The following ZC3H13 variants were observed in gnomAD, a reference collection of about 807,000 sequenced individuals.
ZC3H13 encodes the protein zinc finger CCCH domain-containing protein 13.
Under a neutral mutation model 204.1 loss-of-function variants are expected in ZC3H13, and 64 were observed. The ratio of observed to expected loss-of-function variants is 0.31; its 90% CI spans 0.26 to 0.39. The LOEUF (loss-of-function observed/expected upper bound fraction) is 0.39, where lower values mean the gene tolerates loss of function less well. Among genes scored for constraint, ZC3H13 ranks in the 10% least tolerant of loss-of-function variants. The pLI is 1.00. For synonymous variants in ZC3H13, 667 were observed against 693.7 expected (o/e 0.96, Z 0.60); for missense variants, 1,833 against 2,082.7 (o/e 0.88, Z 2.33).
At chr13:45,976,097 C>A in intron 11 of ZC3H13, 2 of 877,440 alleles carry the variant, frequency 2.3e-6, no homozygotes, top group Non-Finnish European at 2.7e-6. Context: ...TCCCACTGAT[C>A]AATCTTTGAT....
At chr13:46,025,510 A>C (rs1474244891) in intron 4 of ZC3H13, among the ~76,000 whole-genome samples, 1 of 152,070 alleles carries the variant, frequency 6.6e-6, no homozygotes, top group Non-Finnish European at 1.5e-5. Flanking sequence ...GGGTCTCTCT[A>C]TGTTGCCCAA....
chr13:45,967,791 C>G lies in ZC3H13; in HGVS notation c.4034G>C (p.Arg1345Pro), dbSNP rs772342108. The G allele has an allele frequency of 1.2e-6, 2 of 1,611,812 alleles. No homozygotes were observed. The highest frequency in any genetic ancestry group is 3.4e-5 in the Admixed American group (2 of 59,586). ...TCTCCTTTTGTCTCGTTCTCTCTCT[C>G]GTTCTCGTTCTCGCAATCTATCTCG... is the stretch of plus-strand genomic sequence containing the variant. ...RDRDRLRERERERERDKRRDL... is the reference protein window; with the variant it reads ...RDRDRLREREPERERDKRRDL... The change falls in exon 15 of 19, where the codon CGA (arginine) becomes CCA (proline). Residue 1345 changes from arginine to proline, a missense_variant. By Grantham distance (103) the Arg-to-Pro change is moderately radical. This residue lies in a region of ZC3H13 where 1,574 missense variants were observed against 1,757.2 expected (regional missense o/e 0.90). Coordinates refer to ENST00000679008, the MANE Select transcript of ZC3H13 (RefSeq NM_001330564.2).
rs745791047 is a variant in ZC3H13, at chr13:45,985,488, C to T, written c.1529G>A (p.Arg510His). The change falls in exon 10 of 19, where the codon CGT becomes CAT. Residue 510 changes from arginine to histidine, a missense_variant. Around this residue, in one of 5 missense-constraint regions of ZC3H13, gnomAD observed 1,574 missense variants for 1,757.2 expected, o/e 0.90. Transcript: ENST00000679008. ...STRDAHDYRDREGRDTHRKED... is the reference protein window; with the variant it reads ...STRDAHDYRDHEGRDTHRKED... ...CTTTCGATGAGTATCTCGACCTTCACGGTCCCTGTAGTCATGGGCATCACG... is the reference window on the plus strand; with the variant it reads ...CTTTCGATGAGTATCTCGACCTTCATGGTCCCTGTAGTCATGGGCATCACG... 16 of 1,614,084 alleles carry T rather than the reference C, an allele frequency of 9.9e-6. No individual in the cohort carries two copies. Among genetic ancestry groups the T allele is most frequent in the East Asian group, 6.7e-5 (3 of 44,894 alleles).
chr13:46,023,339 C>T (rs544500073), intron 4 of ZC3H13, among the ~76,000 whole-genome samples: 1 of 152,260 alleles, frequency 6.6e-6, no homozygotes, highest in Admixed American at 6.5e-5. Context: ...ATGCCCATTG[C>T]ATCTTTCTTA....
chr13:46,028,546 C>T (rs2042684179), intron 4 of ZC3H13, among the ~76,000 whole-genome samples: 1 of 152,060 alleles, frequency 6.6e-6, no homozygotes, highest in Non-Finnish European at 1.5e-5. Context: ...TTCACCAAGA[C>T]AGATCACATT....
intron 9 of ZC3H13, among the ~76,000 whole-genome samples, chr13:45,986,789 C>T (rs1566213071): frequency 6.6e-6 from 1 of 152,150 alleles, no homozygotes; most frequent in African/African-American, 2.4e-5. Context: ...CAGCCTCATG[C>T]CCAAAACATT....
chr13:45,980,938 G>A (rs1305451372), intron 10 of ZC3H13, among the ~76,000 whole-genome samples: 1 of 152,160 alleles, frequency 6.6e-6, no homozygotes. Flanking sequence ...TTGTACCAAT[G>A]TCAATTGTTT....
At chr13:45,977,787 T>C (rs929323511) in intron 11 of ZC3H13, among the ~76,000 whole-genome samples, 1 of 152,224 alleles carries the variant, frequency 6.6e-6, no homozygotes, top group East Asian at 1.9e-4. Context: ...CCAACACCCT[T>C]AATATGTTTT....
intron 9 of ZC3H13, among the ~76,000 whole-genome samples, chr13:45,987,157 C>G (rs2039601305): frequency 6.6e-6 from 1 of 152,154 alleles, no homozygotes; most frequent in Non-Finnish European, 1.5e-5. Context: ...ACCTCCCTAT[C>G]CTTCCACCGA....
chr13:46,002,409 C>T (rs2040814507), intron 8 of ZC3H13, among the ~76,000 whole-genome samples: 2 of 152,132 alleles, frequency 1.3e-5, no homozygotes, highest in South Asian at 2.1e-4. Context: ...AGCAATTCTA[C>T]TTCTGGGTAT....
At chr13:45,957,392 TAA>T (rs1470237438) in intron 18 of ZC3H13, 95 bp from the exon 19 acceptor site, 7 of 1,120,074 alleles carry the variant, frequency 6.2e-6, no homozygotes, top group Non-Finnish European at 8.2e-6. Context: ...ATCAAAGTTA[TAA>T]GAGTATTTCA....
At chr13:46,030,451 T>C (rs963766791) in intron 4 of ZC3H13, among the ~76,000 whole-genome samples, 2 of 152,206 alleles carry the variant, frequency 1.3e-5, no homozygotes, top group African/African-American at 2.4e-5. Context: ...AAAGACATGA[T>C]TGTCTATGTA....
intron 4 of ZC3H13, among the ~76,000 whole-genome samples, 194 bp from the exon 5 acceptor site, chr13:46,020,751 C>T (rs2042173019): frequency 6.6e-6 from 1 of 151,974 alleles, no homozygotes; most frequent in South Asian, 2.1e-4. Context: ...GACTATACTC[C>T]ATTTTACTAA....
chr13:46,044,172 TAAAA>T (rs75412065), intron 3 of ZC3H13, among the ~76,000 whole-genome samples: 1 of 126,914 alleles, frequency 7.9e-6, no homozygotes, highest in Non-Finnish European at 1.7e-5. Flanking sequence ...ATCATTCAAC[TAAAA>T]AAAAAAAAAA....
In ZC3H13 at chr13:45,962,343, G is replaced by A. The variant is rs941455225; in HGVS notation, c.4675+1499C>T. On this transcript the variant is annotated intron_variant, in intron 17 of 18. Coordinates refer to ENST00000679008, the MANE Select transcript of ZC3H13 (RefSeq NM_001330564.2). ...GTTAAGTCATCAATAAGTAAGGGCCGAACTGTATTTCATGGGTAGCAAAAT... is the reference window on the plus strand; with the variant it reads ...GTTAAGTCATCAATAAGTAAGGGCCAAACTGTATTTCATGGGTAGCAAAAT... 102 of 985,216 alleles carry A rather than the reference G, an allele frequency of 1.0e-4. 1 individual carries two copies. Among genetic ancestry groups the A allele is most frequent in the South Asian group, 1.9e-4 (4 of 21,288 alleles). The allele number at this position is 985,216 out of a possible 1,614,324, so 61.0% of individuals were successfully genotyped here.
At chr13:45,968,387 C>T (rs1221328499) in intron 14 of ZC3H13, among the ~76,000 whole-genome samples, 1 of 152,040 alleles carries the variant, frequency 6.6e-6, no homozygotes, top group Non-Finnish European at 1.5e-5. Flanking sequence ...TCTCCTCCTA[C>T]TCCCCTATCT....
In ZC3H13 at chr13:46,042,088, C is replaced by T; in HGVS notation, c.339+76G>A. 1.4e-5 allele frequency: 16 copies of T among 1,138,008 alleles called. 1 individual carries two copies. The South Asian group carries it at 2.0e-4, about 14-fold the overall frequency. 70.5% of individuals were successfully genotyped at this position (1,138,008 alleles called of 1,614,324 possible). A position where few individuals can be genotyped will look rare whatever the true frequency, so the allele number is the denominator to read the frequency against. Reference sequence around the variant, plus strand: ...TTACACATTTACCATATATTTAGCACACAATATTTAAAATGAAACTCAAAT... The same window carrying T: ...TTACACATTTACCATATATTTAGCATACAATATTTAAAATGAAACTCAAAT... On this transcript the variant is annotated intron_variant, in intron 4 of 18. Coordinates refer to ENST00000679008, the MANE Select transcript of ZC3H13 (RefSeq NM_001330564.2).
At chr13:45,995,307 G>C (rs1440146949) in intron 8 of ZC3H13, among the ~76,000 whole-genome samples, 2 of 152,140 alleles carry the variant, frequency 1.3e-5, no homozygotes, top group East Asian at 3.8e-4. Context: ...CAATTATTTA[G>C]GGTCATAAAC....
At chr13:45,998,028 A>G (rs2040463781) in intron 8 of ZC3H13, among the ~76,000 whole-genome samples, 1 of 152,230 alleles carries the variant, frequency 6.6e-6, no homozygotes, top group Admixed American at 6.5e-5. Flanking sequence ...TAGCAATTTT[A>G]CTTAAGCACA....
Sources: gnomAD v4.1 joint callset for allele counts (sites outside exome capture counted in the v4.1 genomes callset) on GRCh38, gnomAD v4.1.1 for gene constraint, gnomAD v4.1.1 regional missense constraint, MANE v1.5 for transcripts, NCBI Gene and HGNC (gene_info 2026-07-23, HGNC 2026-07-21) for gene names.